The following PPA2 variants were observed in gnomAD, a reference collection of about 807,000 sequenced individuals.
PPA2 encodes the protein inorganic pyrophosphatase 2.
In PPA2, 48 loss-of-function variants were observed where a neutral mutation model predicts 49.5. That is an observed-to-expected ratio of 0.97 (90% CI 0.77 to 1.23). The LOEUF is 1.23. PPA2 is among the 50% of genes most tolerant of loss of function. The pLI is 0.00. For synonymous variants in PPA2, 131 were observed against 139.9 expected (o/e 0.94, Z 0.45); for missense variants, 429 against 410.1 (o/e 1.05, Z -0.40).
chr4:105,440,376 C>T (rs1321390615), intron 5 of PPA2, among the ~76,000 whole-genome samples: 2 of 152,018 alleles, frequency 1.3e-5, no homozygotes, highest in Non-Finnish European at 2.9e-5. Context: ...ATTCTCCCGC[C>T]TCAGCCTCCC....
intron 5 of PPA2, among the ~76,000 whole-genome samples, chr4:105,440,915 A>T (rs562742590): frequency 2.4e-4 from 37 of 152,310 alleles, no homozygotes; most frequent in Middle Eastern, 3.4e-3. Flanking sequence ...GATTTTCCTT[A>T]CCAGCAAAAA....
intron 10 of PPA2, among the ~76,000 whole-genome samples, chr4:105,378,579 AT>A (rs1200942864): frequency 1.3e-5 from 2 of 151,994 alleles, no homozygotes; most frequent in African/African-American, 2.4e-5. Flanking sequence ...TAGAACAAAA[AT>A]TTTTTATTTT....
chr4:105,435,135 G>A (rs1425649644), intron 6 of PPA2, among the ~76,000 whole-genome samples: 1 of 152,106 alleles, frequency 6.6e-6, no homozygotes, highest in African/African-American at 2.4e-5. Flanking sequence ...ACAATGCGGT[G>A]TTAAAAGTGA....
intron 9 of PPA2, among the ~76,000 whole-genome samples, chr4:105,387,979 A>C (rs1394871794): frequency 2.0e-5 from 3 of 151,942 alleles, no homozygotes; most frequent in African/African-American, 7.3e-5. Context: ...ATTACAATGC[A>C]TACAACAATG....
chr4:105,378,469 T>G (rs976058824), intron 10 of PPA2, among the ~76,000 whole-genome samples: 1 of 152,176 alleles, frequency 6.6e-6, no homozygotes, highest in African/African-American at 2.4e-5. Context: ...GTGAAAGTTC[T>G]TTATATATTC....
intron 10 of PPA2, among the ~76,000 whole-genome samples, chr4:105,373,986 A>T (rs944195567): frequency 1.3e-5 from 2 of 152,170 alleles, no homozygotes; most frequent in Admixed American, 6.5e-5. Context: ...CATAACAACA[A>T]ATATAACATT....
intron 11 of PPA2, 115 bp downstream of exon 11, chr4:105,370,722 G>C (rs1173755988): frequency 2.5e-6 from 3 of 1,211,088 alleles, no homozygotes; most frequent in Non-Finnish European, 2.1e-6. Context: ...ATTTCACTTA[G>C]CTTATACAGC....
At chr4:105,397,966 GGCTC>G (rs944546559) in intron 8 of PPA2, among the ~76,000 whole-genome samples, 2 of 152,032 alleles carry the variant, frequency 1.3e-5, no homozygotes, top group Non-Finnish European at 2.9e-5. Context: ...AGGGCACTAA[GGCTC>G]TATATTTTAA....
intron 7 of PPA2, among the ~76,000 whole-genome samples, chr4:105,422,234 T>A (rs1412523514): frequency 6.6e-6 from 1 of 152,186 alleles, no homozygotes; most frequent in East Asian, 1.9e-4. Flanking sequence ...ATGATGAAAA[T>A]AATACATGTA....
chr4:105,446,404 C>G lies in PPA2; in HGVS notation c.420G>C (p.Trp140Cys). 6.3e-7 allele frequency: 1 copy of G among 1,576,166 alleles called. No individual in the cohort carries two copies. Among genetic ancestry groups the G allele is most frequent in the South Asian group, 1.2e-5 (1 of 83,908 alleles). The change falls in exon 5 of 12, where the codon TGG (tryptophan) becomes TGC (cysteine). Residue 140 changes from tryptophan (W) to cysteine (C), a missense_variant. Coordinates refer to ENST00000341695, the MANE Select transcript of PPA2 (RefSeq NM_176869.3). ...ANIFPYKGYIWNYGTLPQTWE... is the reference protein window; with the variant it reads ...ANIFPYKGYICNYGTLPQTWE... ...TTACCTGAGGGAGGGTACCATAATTCCATATATAACCCTTGTAAGGGAAGA... is the reference window on the plus strand; with the variant it reads ...TTACCTGAGGGAGGGTACCATAATTGCATATATAACCCTTGTAAGGGAAGA...
chr4:105,397,309 G>A lies in PPA2; in HGVS notation c.784-975C>T, dbSNP rs137961736. Among the ~76,000 whole-genome samples the A allele has an allele frequency of 3.3e-4, 50 of 152,240 alleles. No individual in the cohort carries two copies. The East Asian group carries it at 7.7e-3, about 24-fold the overall frequency. ...TCTACGATTGCCTGCGATGGAGGAC[G>A]ACTTATATCTTAATGAGATAGTGTT... On this transcript the variant is annotated intron_variant, in intron 8 of 11. Transcript: ENST00000341695.
At chr4:105,391,644 A>C (rs553968842) in intron 9 of PPA2, among the ~76,000 whole-genome samples, 98 of 152,282 alleles carry the variant, frequency 6.4e-4, no homozygotes, top group Admixed American at 1.4e-3. Flanking sequence ...CTGCTTCTCG[A>C]AAAAATGAAG....
chr4:105,435,290 T>C (rs1198345329), intron 6 of PPA2, among the ~76,000 whole-genome samples: 1 of 152,168 alleles, frequency 6.6e-6, no homozygotes, highest in East Asian at 1.9e-4. Context: ...TTATTTCAGG[T>C]CTTATTAATT....
intron 6 of PPA2, among the ~76,000 whole-genome samples, chr4:105,434,039 G>C (rs966420657): frequency 2.0e-5 from 3 of 152,066 alleles, no homozygotes; most frequent in Non-Finnish European, 4.4e-5. Context: ...TGTTGCCCAG[G>C]CTGGTCTTGA....
In PPA2 at chr4:105,379,787, C is replaced by A. The variant is rs555390399; in HGVS notation, c.939+6780G>T. On this transcript the variant is annotated intron_variant, in intron 10 of 11. Coordinates refer to ENST00000341695, the MANE Select transcript of PPA2 (RefSeq NM_176869.3). ...TAGCTGGGATTACAGGTGTGCATCA[C>A]CATGCCCGCCTTATTTTTGTATATT... Among the ~76,000 whole-genome samples, 62 of 152,158 alleles carry A rather than the reference C, an allele frequency of 4.1e-4. 1 individual carries two copies. The South Asian group carries it at 0.012, about 30-fold the overall frequency.
At chr4:105,473,758 TG>T in intron 1 of PPA2, 135 bp downstream of exon 1, 1 of 1,321,630 alleles carries the variant, frequency 7.6e-7, no homozygotes, top group Non-Finnish European at 1.1e-6. Flanking sequence ...TAAGGTGGCC[TG>T]GACCGCGCGG....
chr4:105,399,703 A>T (rs1734283800), intron 7 of PPA2: 1 of 152,398 alleles, frequency 6.6e-6, no homozygotes, highest in South Asian at 2.1e-4. Flanking sequence ...TGGATAGAAC[A>T]TCACTGTTAG....
chr4:105,453,149 A>C (rs185190470), intron 3 of PPA2, among the ~76,000 whole-genome samples: 1 of 152,294 alleles, frequency 6.6e-6, no homozygotes, highest in African/African-American at 2.4e-5. Flanking sequence ...TAATTCTCTC[A>C]GGTTTTCCCA....
At chr4:105,447,065 G>A (rs1722418575) in intron 4 of PPA2, among the ~76,000 whole-genome samples, 1 of 152,110 alleles carries the variant, frequency 6.6e-6, no homozygotes, top group African/African-American at 2.4e-5. Context: ...ACTGTTTGCT[G>A]ATGATATGAT....
Sources: allele counts gnomAD v4.1 joint callset (sites outside exome capture counted in the v4.1 genomes callset), GRCh38; gene constraint gnomAD v4.1.1; transcripts MANE v1.5; gene names NCBI Gene and HGNC (gene_info 2026-07-23, HGNC 2026-07-21).